The following STK32B variants were observed in gnomAD, a reference collection of about 807,000 sequenced individuals.
STK32B encodes serine/threonine-protein kinase 32B.
In STK32B, 43 loss-of-function variants were observed where a neutral mutation model predicts 52.6. The observed-to-expected ratio is 0.82, with a 90% confidence interval of 0.64 to 1.05. The LOEUF (loss-of-function observed/expected upper bound fraction) is 1.05, where lower values mean the gene tolerates loss of function less well. Among genes scored for constraint, STK32B ranks in the 50% least tolerant of loss-of-function variants. The pLI is 0.00. For synonymous variants in STK32B, 238 were observed against 204.3 expected (o/e 1.17, Z -1.41); for missense variants, 621 against 534.6 (o/e 1.16, Z -1.59).
chr4:5,203,748 G>T (rs1722337049), intron 3 of STK32B, among the ~76,000 whole-genome samples: 1 of 152,170 alleles, frequency 6.6e-6, no homozygotes, highest in Non-Finnish European at 1.5e-5. Flanking sequence ...AAATGCCTCA[G>T]ATCATTCCTT....
intron 3 of STK32B, among the ~76,000 whole-genome samples, chr4:5,254,323 T>A (rs998704321): frequency 3.9e-5 from 6 of 152,152 alleles, no homozygotes; most frequent in Non-Finnish European, 8.8e-5. Context: ...ATTTTATTGG[T>A]GGTTTTCAAG....
rs561638399 is a variant in STK32B, at chr4:5,194,493, T to C, written c.260+26043T>C. 2.0e-5 allele frequency among the ~76,000 whole-genome samples: 3 copies of C among 152,296 alleles called. No homozygotes were observed. The South Asian group carries it at 6.2e-4, about 32-fold the overall frequency. On this transcript the variant is annotated intron_variant, in intron 3 of 11. Transcript: ENST00000282908. ...GACAGTGCCCTTTGCATGGGTGATA[T>C]ATTACCCCATAACATGCTGAGTTTA... is the stretch of plus-strand genomic sequence containing the variant.
intron 11 of STK32B, among the ~76,000 whole-genome samples, chr4:5,475,697 CAAA>C (rs879367650): frequency 5.3e-5 from 6 of 112,220 alleles, no homozygotes; most frequent in African/African-American, 2.0e-4. Flanking sequence ...TACTCCGTTC[CAAA>C]AAAAAAAAAG....
intron 1 of STK32B, among the ~76,000 whole-genome samples, chr4:5,059,249 C>T (rs1017463470): frequency 6.6e-6 from 1 of 151,836 alleles, no homozygotes; most frequent in African/African-American, 2.4e-5. Flanking sequence ...CACAGTATAA[C>T]CACGCCTATC....
chr4:5,247,949 A>G (rs1725583566), intron 3 of STK32B, among the ~76,000 whole-genome samples: 1 of 152,098 alleles, frequency 6.6e-6, no homozygotes, highest in Non-Finnish European at 1.5e-5. Context: ...ATTAAAACAC[A>G]TGCCTCTTTT....
At chr4:5,440,268 CTT>C (rs1714591200) in intron 6 of STK32B, among the ~76,000 whole-genome samples, 1 of 152,200 alleles carries the variant, frequency 6.6e-6, no homozygotes, top group East Asian at 1.9e-4. Flanking sequence ...TTTGTATCCT[CTT>C]TTATTTCCTT....
rs775648280 is a variant in STK32B, at chr4:5,331,316, A to C, written c.357A>C (p.Thr119=). Residue 119 remains threonine (T), a synonymous_variant, in exon 4 of 12, where the codon ACA becomes ACC. Coordinates refer to ENST00000282908, the MANE Select transcript of STK32B (RefSeq NM_018401.3). ...RYHLQQNVHF[T]EGTVKLYICE... ...ATCTGCAGCAGAATGTGCATTTCACAGAGGGGACTGTGAAACTCTACATCT... is the reference window on the plus strand; with the variant it reads ...ATCTGCAGCAGAATGTGCATTTCACCGAGGGGACTGTGAAACTCTACATCT... 9 of 1,613,974 alleles carry C rather than the reference A, an allele frequency of 5.6e-6. No homozygotes were observed. In the East Asian group the frequency reaches 1.8e-4, roughly 32 times the overall value.
chr4:5,158,801 A>G (rs1191322998), intron 2 of STK32B, among the ~76,000 whole-genome samples: 2 of 152,088 alleles, frequency 1.3e-5, no homozygotes, highest in African/African-American at 4.8e-5. Flanking sequence ...TTCTTACAAG[A>G]CACAGTCATA....
chr4:5,044,297 C>A, the STK32B span, among the ~76,000 whole-genome samples: 1 of 152,150 alleles, frequency 6.6e-6, no homozygotes, highest in Non-Finnish European at 1.5e-5. Flanking sequence ...CATCAATATG[C>A]TCAGGACTCC....
At position 5,317,266 on chromosome 4, in the gene STK32B, A is replaced by C. The variant is rs568519536; in HGVS notation, c.261-13954A>C. On this transcript the variant is annotated intron_variant, in intron 3 of 11. Coordinates refer to ENST00000282908, the MANE Select transcript of STK32B (RefSeq NM_018401.3). ...ATATTATATATAACATATAACATAT[A>C]TATAATATATAACATATAACATATA... 2.7e-4 allele frequency among the ~76,000 whole-genome samples: 15 copies of C among 54,738 alleles called. 4 individuals are homozygous for C. Among genetic ancestry groups the C allele is most frequent in the African/African-American group, 1.9e-3 (15 of 7,828 alleles). The allele number at this position is 54,738 out of a possible 152,430, so 35.9% of individuals were successfully genotyped here.
In STK32B at chr4:5,348,505, A is replaced by C. The variant is rs114286364; in HGVS notation, c.434+17112A>C. On this transcript the variant is annotated intron_variant, in intron 4 of 11. Coordinates refer to ENST00000282908, the MANE Select transcript of STK32B (RefSeq NM_018401.3). ...GAGCAACTGGCAGTGACACCACCCG[A>C]CCTCTAGTAGAGGGGTGACTGCACA... Among the ~76,000 whole-genome samples, 1,091 of 152,140 alleles carry C rather than the reference A, an allele frequency of 7.2e-3. 9 individuals carry two copies. The highest frequency in any genetic ancestry group is 0.025 in the African/African-American group (1,040 of 41,500).
At chr4:5,239,912 A>C (rs61168333) in intron 3 of STK32B, among the ~76,000 whole-genome samples, 6 of 152,048 alleles carry the variant, frequency 3.9e-5, no homozygotes, top group Admixed American at 1.3e-4. Flanking sequence ...TATCTCTGCC[A>C]TTCCCTCTGT....
At chr4:5,186,295 T>G (rs1005263720) in intron 3 of STK32B, among the ~76,000 whole-genome samples, 3 of 152,192 alleles carry the variant, frequency 2.0e-5, no homozygotes, top group Non-Finnish European at 4.4e-5. Context: ...GGGTGTGTGT[T>G]TCCTCCGTGA....
At chr4:5,430,839 G>A (rs369200127) in intron 6 of STK32B, among the ~76,000 whole-genome samples, 12 of 152,312 alleles carry the variant, frequency 7.9e-5, no homozygotes, top group African/African-American at 2.4e-4. Context: ...TTTCCTCAAT[G>A]TTCCTGTTCC....
chr4:5,286,427 C>G (rs909935803), intron 3 of STK32B, among the ~76,000 whole-genome samples: 4 of 152,178 alleles, frequency 2.6e-5, no homozygotes, highest in African/African-American at 7.2e-5. Flanking sequence ...CCATGTAGAT[C>G]AGTGACACCT....
chr4:5,431,341 G>A (rs987118947), intron 6 of STK32B, among the ~76,000 whole-genome samples: 3 of 152,156 alleles, frequency 2.0e-5, no homozygotes, highest in African/African-American at 7.2e-5. Flanking sequence ...GATAAATAGA[G>A]AATTTGGAAT....
At position 5,499,256 on chromosome 4, in the gene STK32B, C is replaced by G. The variant is rs1011120533; in HGVS notation, c.*173C>G. On this transcript the variant is annotated 3_prime_UTR_variant, in exon 12 of 12. Coordinates refer to ENST00000282908, the MANE Select transcript of STK32B (RefSeq NM_018401.3). Reference sequence around the variant, plus strand: ...TCTGGTCCCATCTCCATGACTGATTCACGTGTGACCTCAGACAAGTCACGC... The same window carrying G: ...TCTGGTCCCATCTCCATGACTGATTGACGTGTGACCTCAGACAAGTCACGC... 23 of 852,554 alleles carry G rather than the reference C, an allele frequency of 2.7e-5. No individual in the cohort carries two copies. The highest frequency in any genetic ancestry group is 3.5e-5 in the Non-Finnish European group (21 of 606,696). The allele number at this position is 852,554 out of a possible 1,614,324, so 52.8% of individuals were successfully genotyped here.
chr4:5,131,677 C>T (rs1416797700), intron 1 of STK32B, among the ~76,000 whole-genome samples: 1 of 152,192 alleles, frequency 6.6e-6, no homozygotes, highest in East Asian at 1.9e-4. Context: ...TTTGCACATG[C>T]TGTTCTCTCT....
intron 3 of STK32B, among the ~76,000 whole-genome samples, chr4:5,223,670 A>G (rs1723679607): frequency 6.6e-6 from 1 of 151,982 alleles, no homozygotes; most frequent in Non-Finnish European, 1.5e-5. Context: ...AAACAAAATT[A>G]GCCAGGCGTG....
Sources: gnomAD v4.1 joint callset for allele counts (sites outside exome capture counted in the v4.1 genomes callset) on GRCh38, gnomAD v4.1.1 for gene constraint, MANE v1.5 for transcripts, NCBI Gene and HGNC (gene_info 2026-07-23, HGNC 2026-07-21) for gene names.